The following TMEM87A variants were observed in gnomAD, a reference collection of about 807,000 sequenced individuals.
The protein encoded by TMEM87A is Golgi-pH regulating cation channel.
In TMEM87A, 50 loss-of-function variants were observed where a neutral mutation model predicts 90.0. The ratio of observed to expected loss-of-function variants is 0.56; its 90% CI spans 0.44 to 0.70. The LOEUF (loss-of-function observed/expected upper bound fraction) is 0.70. TMEM87A is among the 30% of genes least tolerant of loss of function. The pLI, the probability that TMEM87A is intolerant of heterozygous loss-of-function variation, is 0.00. For missense variants in TMEM87A, 577 were observed against 660.5 expected, an observed-to-expected ratio of 0.87 and a Z score of 1.39; for synonymous variants, 226 against 226.7, an observed-to-expected ratio of 1.00 and a Z score of 0.03.
intron 8 of TMEM87A, among the ~76,000 whole-genome samples, chr15:42,238,033 GTGTA>G (rs1363926591): frequency 7.3e-6 from 1 of 137,888 alleles, no homozygotes; most frequent in African/African-American, 2.7e-5. Flanking sequence ...GTGTGTGTGT[GTGTA>G]TGTATGTATC....
At chr15:42,242,777 T>A (rs1483167474) in intron 7 of TMEM87A, among the ~76,000 whole-genome samples, 1 of 152,138 alleles carries the variant, frequency 6.6e-6, no homozygotes, top group African/African-American at 2.4e-5. Context: ...TCTTAACATT[T>A]TTTTTAAAAA....
chr15:42,213,825 A>T (rs1455533006), intron 19 of TMEM87A, among the ~76,000 whole-genome samples: 1 of 152,120 alleles, frequency 6.6e-6, no homozygotes, highest in East Asian at 1.9e-4. Flanking sequence ...CAACACAAAG[A>T]ATTAAGGAAA....
chr15:42,249,763 G>T (rs567662781), intron 6 of TMEM87A, among the ~76,000 whole-genome samples: 4 of 152,342 alleles, frequency 2.6e-5, no homozygotes, highest in Non-Finnish European at 5.9e-5. Flanking sequence ...ATTTGGGGTG[G>T]AAAGTTCTGT....
At chr15:42,256,835 A>G (rs4924644) in intron 6 of TMEM87A, among the ~76,000 whole-genome samples, 18,898 of 152,104 alleles carry the variant, frequency 0.12, 1,894 homozygotes, top group African/African-American at 0.25. Context: ...CTCCCACTTC[A>G]GTCTCCCAAG....
At chr15:42,267,867 T>A in intron 3 of TMEM87A, 80 bp downstream of exon 3, 1 of 1,172,134 alleles carries the variant, frequency 8.5e-7, no homozygotes, top group East Asian at 2.4e-5. Context: ...TACATGATAC[T>A]CTTTCCTCTA....
chr15:42,272,973 C>T, intron 1 of TMEM87A: 1 of 598,534 alleles, frequency 1.7e-6, no homozygotes, highest in South Asian at 1.5e-5. Flanking sequence ...ATCAAGTTTA[C>T]ATCTCAAGTC....
chr15:42,258,853 G>A (rs915858124), intron 6 of TMEM87A: 30 of 1,504,058 alleles, frequency 2.0e-5, no homozygotes, highest in African/African-American at 2.8e-5. Context: ...GGCAGAATAA[G>A]AAACTCTGAA....
rs939644711 is a variant in TMEM87A, at chr15:42,219,553, C to T, written c.1539+28G>A. The T allele has an allele frequency of 3.2e-6, 5 of 1,564,978 alleles. No homozygotes were observed. The East Asian group carries it at 1.1e-4, about 36-fold the overall frequency. ...AAGGGTTGGAAGATGGGACAAAGAA[C>T]AAAGACAAATGGAAAAGTCATACTT... is the stretch of plus-strand genomic sequence containing the variant. On this transcript the variant is annotated intron_variant, in intron 17 of 19. Coordinates refer to ENST00000389834, the MANE Select transcript of TMEM87A (RefSeq NM_015497.5).
intron 10 of TMEM87A, among the ~76,000 whole-genome samples, 179 bp from the exon 11 acceptor site, chr15:42,233,485 A>G (rs575988953): frequency 3.3e-5 from 5 of 152,360 alleles, no homozygotes; most frequent in South Asian, 4.1e-4. Context: ...GATAGGGAAC[A>G]CTACAACTTG....
At position 42,219,611 on chromosome 15, in the gene TMEM87A, T is replaced by C. The variant is rs924230237; in HGVS notation, c.1509A>G (p.Glu503=). The C allele has an allele frequency of 5.6e-6, 9 of 1,601,464 alleles. No individual in the cohort carries two copies. The African/African-American group carries it at 1.2e-4, about 21-fold the overall frequency. ...EGMKMRSTKQ[E]PNGNSKVNKA... is the part of the protein sequence containing the mutation. ...TGTTAACTTTACTATTTCCATTGGG[T>C]TCTTGTTTGGTACTTCTCATTTTCA... Residue 503 remains glutamate (E), a synonymous_variant, in exon 17 of 20, where the codon GAA becomes GAG. Coordinates refer to ENST00000389834, the MANE Select transcript of TMEM87A (RefSeq NM_015497.5).
chr15:42,233,828 G>A (rs2050727725), intron 10 of TMEM87A, among the ~76,000 whole-genome samples: 1 of 152,046 alleles, frequency 6.6e-6, no homozygotes, highest in South Asian at 2.1e-4. Flanking sequence ...CCACGCTGAA[G>A]TGCAGTGGCC....
chr15:42,231,847 T>C (rs2050690554), intron 11 of TMEM87A: 1 of 1,268,196 alleles, frequency 7.9e-7, no homozygotes, highest in Non-Finnish European at 1.0e-6. Context: ...AGGATATCCA[T>C]AAAATAACAC....
Position 42,267,969 on chromosome 15 carries a change from T to G in TMEM87A, c.269A>C (p.Tyr90Ser). 1 of 1,613,438 alleles carries G rather than the reference T, an allele frequency of 6.2e-7. No homozygotes were observed. The highest frequency in any genetic ancestry group is 8.5e-7 in the Non-Finnish European group (1 of 1,179,710). The change falls in exon 3 of 20, where the codon TAC becomes TCC. Residue 90 changes from tyrosine (Y) to serine (S), a missense_variant. By Grantham distance (144) the Tyr-to-Ser change is moderately radical (BLOSUM62 -2). Coordinates refer to ENST00000389834, the MANE Select transcript of TMEM87A (RefSeq NM_015497.5). The part of the protein sequence containing the change: ...ITWYLKSADC[Y>S]NEIYNFKAEE... ...TACCTTGAAGTTATAGATTTCATTGTAACAATCAGCGCTTTTCAGATACCA... is the reference window on the plus strand; with the variant it reads ...TACCTTGAAGTTATAGATTTCATTGGAACAATCAGCGCTTTTCAGATACCA...
In TMEM87A at chr15:42,231,203, A is replaced by C; in HGVS notation, c.1120T>G (p.Leu374Val). 1 of 1,601,954 alleles carries C rather than the reference A, an allele frequency of 6.2e-7. No individual in the cohort carries two copies. The highest frequency in any genetic ancestry group is 8.5e-7 in the Non-Finnish European group (1 of 1,175,216). ...FIPLAFLDTA[L>V]CWWIFISLTQ... Reference sequence around the variant, plus strand: ...AATGAGAAGGATATCCACCAGCACAAGGCAGTGTCTAGGAAAGCCAAGGGG... The same window carrying C: ...AATGAGAAGGATATCCACCAGCACACGGCAGTGTCTAGGAAAGCCAAGGGG... The change falls in exon 12 of 20, where the codon TTG becomes GTG. Residue 374 changes from leucine (L) to valine (V), a missense_variant. Transcript: ENST00000389834.
intron 5 of TMEM87A, 70 bp from the exon 6 acceptor site, chr15:42,261,072 G>T: frequency 6.4e-7 from 1 of 1,554,454 alleles, no homozygotes; most frequent in Non-Finnish European, 8.8e-7. Flanking sequence ...AGTTCCTGTA[G>T]CCACTGGGGA....
At chr15:42,268,302 T>C (rs918675726) in intron 2 of TMEM87A, among the ~76,000 whole-genome samples, 8 of 152,214 alleles carry the variant, frequency 5.3e-5, no homozygotes, top group African/African-American at 1.9e-4. Flanking sequence ...TCCTAACTTC[T>C]GGATCTCTAT....
At chr15:42,272,877 A>G in intron 1 of TMEM87A, 1 of 458,046 alleles carries the variant, frequency 2.2e-6, no homozygotes, top group Non-Finnish European at 4.3e-6. Context: ...AGAAATGAAG[A>G]CTCCTATTTA....
At chr15:42,223,358 A>G (rs1382022684) in intron 15 of TMEM87A, among the ~76,000 whole-genome samples, 1 of 152,030 alleles carries the variant, frequency 6.6e-6, no homozygotes, top group Non-Finnish European at 1.5e-5. Context: ...GCTCCACTAC[A>G]CTCCAGCCTT....
intron 1 of TMEM87A, chr15:42,272,673 T>C (rs2051564064): frequency 3.1e-6 from 1 of 319,408 alleles, no homozygotes. Context: ...AGACTAGCCT[T>C]ACCACATTAA....
Sources: allele counts gnomAD v4.1 joint callset (sites outside exome capture counted in the v4.1 genomes callset), GRCh38; gene constraint gnomAD v4.1.1; transcripts MANE v1.5; gene names NCBI Gene and HGNC (gene_info 2026-07-23, HGNC 2026-07-21).